The following CFAP57 variants were observed in gnomAD, a reference collection of about 807,000 sequenced individuals.
CFAP57 encodes cilia- and flagella-associated protein 57.
A neutral mutation model predicts 146.8 loss-of-function variants in CFAP57; 116 were observed. The ratio of observed to expected loss-of-function variants is 0.79; its 90% CI spans 0.68 to 0.92. The LOEUF (loss-of-function observed/expected upper bound fraction) is 0.92, where lower values mean the gene tolerates loss of function less well. Ranked by LOEUF, CFAP57 falls within the 40% of genes least tolerant of loss-of-function variation. The pLI, the probability that CFAP57 is intolerant of heterozygous loss-of-function variation, is 0.00. For missense variants in CFAP57, 1,377 were observed against 1,527.2 expected, an observed-to-expected ratio of 0.90 and a Z score of 1.64; for synonymous variants, 518 against 552.8, an observed-to-expected ratio of 0.94 and a Z score of 0.88.
Position 43,234,287 on chromosome 1 carries a change from C to T in CFAP57, c.3135C>T (p.Asp1045=). The change falls in exon 20 of 23, where the codon GAC becomes GAT. Residue 1045 remains aspartate (D), a synonymous_variant. Coordinates refer to ENST00000372492, the MANE Select transcript of CFAP57 (RefSeq NM_001378189.1). ...AACGTCTCTGATTGCAGGAGCGAGA[C>T]TTGGAAGCGCTGGTCAAAAGGTTTA... ...EMRRERQKER[D]LEALVKRFKT... 1 of 1,546,906 alleles carries T rather than the reference C, an allele frequency of 6.5e-7. No homozygotes were observed. Among genetic ancestry groups the T allele is most frequent in the Non-Finnish European group, 8.7e-7 (1 of 1,145,188 alleles).
At chr1:43,226,740 T>C (rs1443867835) in intron 17 of CFAP57, among the ~76,000 whole-genome samples, 1 of 152,210 alleles carries the variant, frequency 6.6e-6, no homozygotes, top group Non-Finnish European at 1.5e-5. Context: ...AAAATACCGC[T>C]GTTCACAACC....
At chr1:43,197,149 C>T (rs1283171268) in intron 6 of CFAP57, among the ~76,000 whole-genome samples, 2 of 151,824 alleles carry the variant, frequency 1.3e-5, no homozygotes, top group Non-Finnish European at 2.9e-5. Context: ...GTCAGGAGAT[C>T]GAGACCATCC....
chr1:43,250,701 C>T (rs546536608), intron 22 of CFAP57, among the ~76,000 whole-genome samples: 7 of 152,292 alleles, frequency 4.6e-5, no homozygotes, highest in Admixed American at 1.3e-4. Flanking sequence ...ACTGGTTGGG[C>T]TTGATCGACC....
rs193252976 is a variant in CFAP57 at position 43,225,041 on chromosome 1, A to G, written c.2865+837A>G. Reference sequence around the variant, plus strand: ...TTTCTGCATGTGAGTGTCGGTGTACATATCCAGGGTTTTGTTTGTTTGTTT... The same window carrying G: ...TTTCTGCATGTGAGTGTCGGTGTACGTATCCAGGGTTTTGTTTGTTTGTTT... On this transcript the variant is annotated intron_variant, in intron 17 of 22. Transcript: ENST00000372492. Among the ~76,000 whole-genome samples, 4 of 151,916 alleles carry G rather than the reference A, an allele frequency of 2.6e-5. No individual in the cohort carries two copies. The East Asian group carries it at 7.7e-4, about 29-fold the overall frequency.
intron 5 of CFAP57, 94 bp downstream of exon 5, chr1:43,185,450 G>A: frequency 8.8e-7 from 1 of 1,132,996 alleles, no homozygotes; most frequent in Non-Finnish European, 1.3e-6. Flanking sequence ...GATGGGGAGG[G>A]ATAGGGCAGG....
At chr1:43,179,704 G>A (rs547766548) in intron 2 of CFAP57, among the ~76,000 whole-genome samples, 74 of 152,120 alleles carry the variant, frequency 4.9e-4, no homozygotes, top group African/African-American at 7.0e-4. Context: ...AACCCCTCCC[G>A]CCAGCTTTAG....
At chr1:43,230,523 C>T (rs1262316252) in intron 18 of CFAP57, among the ~76,000 whole-genome samples, 1 of 152,168 alleles carries the variant, frequency 6.6e-6, no homozygotes, top group Non-Finnish European at 1.5e-5. Context: ...CTAGCTCAGC[C>T]AGCCTCTTCT....
intron 5 of CFAP57, among the ~76,000 whole-genome samples, chr1:43,186,197 A>C (rs146222304): frequency 1.3e-5 from 2 of 152,248 alleles, no homozygotes; most frequent in Admixed American, 6.5e-5. Context: ...AGCCAAGATC[A>C]TGCCACTGTA....
At chr1:43,232,686 G>A in intron 19 of CFAP57, 62 bp downstream of exon 19, 1 of 1,271,814 alleles carries the variant, frequency 7.9e-7, no homozygotes. Flanking sequence ...TCTGCAATGG[G>A]CAGCTGGCTT....
chr1:43,207,051 C>CGTG, intron 10 of CFAP57, 119 bp downstream of exon 10: 1 of 968,442 alleles, frequency 1.0e-6, no homozygotes, highest in Non-Finnish European at 1.6e-6. Flanking sequence ...CCCCTTCTTC[C>CGTG]CAAGATAACA....
At chr1:43,195,758 G>T (rs537093821) in intron 6 of CFAP57, among the ~76,000 whole-genome samples, 17 of 152,274 alleles carry the variant, frequency 1.1e-4, no homozygotes, top group Admixed American at 1.0e-3. Flanking sequence ...AAAGAGATCT[G>T]AAGCACAATA....
At position 43,254,151 on chromosome 1, in the gene CFAP57, T is replaced by C; in HGVS notation, c.3713T>C (p.Leu1238Pro). The change falls in exon 23 of 23, where the codon CTC becomes CCC. Residue 1238 changes from leucine to proline, a missense_variant. Coordinates refer to ENST00000372492, the MANE Select transcript of CFAP57 (RefSeq NM_001378189.1). The stretch of plus-strand genomic sequence containing the variant: ...CTCGCTGGAGTTCGGCTTCCTTCCC[T>C]CTCCAACTCCGAGGTAGACTTAGAG... ...HTLAGVRLPS[L>P]SNSEVDLEVK... is the part of the protein sequence containing the mutation. The C allele has an allele frequency of 1.3e-6, 2 of 1,550,498 alleles. No individual in the cohort carries two copies. Among genetic ancestry groups the C allele is most frequent in the Non-Finnish European group, 1.7e-6 (2 of 1,146,950 alleles).
intron 16 of CFAP57, among the ~76,000 whole-genome samples, chr1:43,223,677 C>T (rs1309901151): frequency 6.6e-6 from 1 of 152,108 alleles, no homozygotes; most frequent in African/African-American, 2.4e-5. Flanking sequence ...CAGTTAGGGC[C>T]CACTTTCTGT....
At chr1:43,196,111 G>A (rs887458318) in intron 6 of CFAP57, among the ~76,000 whole-genome samples, 7 of 152,186 alleles carry the variant, frequency 4.6e-5, no homozygotes, top group African/African-American at 1.7e-4. Flanking sequence ...GAAAAAATAT[G>A]GTAGAGTTAC....
chr1:43,219,330 C>A, intron 12 of CFAP57, 52 bp from the exon 13 acceptor site: 1 of 1,509,642 alleles, frequency 6.6e-7, no homozygotes, highest in South Asian at 1.3e-5. Flanking sequence ...TTTAAATATT[C>A]TGAGTCACCC....
chr1:43,180,223 T>TTATATATATATATATATATATATA lies in CFAP57; in HGVS notation c.158-1295_158-1294insTATATATATATATATATATATATA, dbSNP rs1289107795. On this transcript the variant is annotated intron_variant, in intron 2 of 22. Transcript: ENST00000372492. ...CTCTATCTCAAAAAATATATATATT[T>TTATATATATATATATATATATATA]TATATATATATATATAAAATATATA... Among the ~76,000 whole-genome samples, 131 of 137,288 alleles carry TTATATATATATATATATATATATA rather than the reference T, an allele frequency of 9.5e-4. 2 individuals carry two copies. The highest frequency in any genetic ancestry group is 3.6e-3 in the African/African-American group (128 of 35,934). The allele number at this position is 137,288 out of a possible 152,430, so 90.1% of individuals were successfully genotyped here. A position where few individuals can be genotyped will look rare whatever the true frequency, so the allele number is the denominator to read the frequency against.
At chr1:43,243,114 G>A (rs2124662683) in intron 21 of CFAP57, 113 bp from the exon 22 acceptor site, 1 of 1,266,200 alleles carries the variant, frequency 7.9e-7, no homozygotes, top group Non-Finnish European at 1.0e-6. Flanking sequence ...CCAGAGTTCT[G>A]GATCCAGACC....
intron 13 of CFAP57, among the ~76,000 whole-genome samples, chr1:43,220,587 G>C (rs904215782): frequency 4.6e-5 from 7 of 152,166 alleles, no homozygotes; most frequent in African/African-American, 1.2e-4. Flanking sequence ...AGTCTGCCAT[G>C]GTGGCATCTG....
rs909518372 is a variant in CFAP57, at chr1:43,228,738, G to A, written c.3009+1612G>A. ...AAATGGCAGCTGTCGTCCTTTCGGG[G>A]TGCTATAACAAAATACTTTAGAAGG... On this transcript the variant is annotated intron_variant, in intron 18 of 22. Coordinates refer to ENST00000372492, the MANE Select transcript of CFAP57 (RefSeq NM_001378189.1). Among the ~76,000 whole-genome samples, 112 of 149,034 alleles carry A rather than the reference G, an allele frequency of 7.5e-4. 11 individuals are homozygous for A. Among genetic ancestry groups the A allele is most frequent in the African/African-American group, 2.7e-3 (107 of 39,912 alleles).
Sources: allele counts gnomAD v4.1 joint callset (sites outside exome capture counted in the v4.1 genomes callset), GRCh38; gene constraint gnomAD v4.1.1; transcripts MANE v1.5; gene names NCBI Gene and HGNC (gene_info 2026-07-23, HGNC 2026-07-21).